FBLN5: variants seen among roughly 807,000 people sequenced by gnomAD.
FBLN5 encodes the protein fibulin 5.
FBLN5 carries 24 observed loss-of-function variants against 61.6 expected under a neutral mutation model. The ratio of observed to expected loss-of-function variants is 0.39; its 90% CI spans 0.28 to 0.55. FBLN5 has a LOEUF of 0.55. Among genes scored for constraint, FBLN5 ranks in the 20% least tolerant of loss-of-function variants. The probability of loss-of-function intolerance (pLI) is 0.65; values close to 1 mark genes in which losing one functional copy is unlikely to be tolerated. For missense variants in FBLN5, 470 were observed against 594.1 expected (o/e 0.79, Z 2.17); for synonymous variants, 213 against 219.8 (o/e 0.97, Z 0.27).
intron 4 of FBLN5, among the ~76,000 whole-genome samples, chr14:91,919,323 T>A (rs1299163347): frequency 8.1e-6 from 1 of 123,804 alleles, no homozygotes; most frequent in South Asian, 2.7e-4. Context: ...AGAGCAAGAC[T>A]CTGTCTCAAA....
At chr14:91,906,991 T>C (rs1158016308) in intron 4 of FBLN5, among the ~76,000 whole-genome samples, 1 of 152,166 alleles carries the variant, frequency 6.6e-6, no homozygotes, top group Non-Finnish European at 1.5e-5. Flanking sequence ...GAGAGAAGAA[T>C]GGGGGCACTC....
At chr14:91,926,781 G>A (rs1024416153) in intron 4 of FBLN5, among the ~76,000 whole-genome samples, 4 of 151,842 alleles carry the variant, frequency 2.6e-5, no homozygotes, top group African/African-American at 7.3e-5. Flanking sequence ...GGAGTGGATC[G>A]GGGGGAGTGG....
intron 10 of FBLN5, 93 bp downstream of exon 10, chr14:91,877,394 C>T: frequency 1.9e-6 from 2 of 1,048,342 alleles, no homozygotes; most frequent in Non-Finnish European, 3.0e-6. Flanking sequence ...TCCCCCAGCC[C>T]CACTCTTACC....
intron 7 of FBLN5, among the ~76,000 whole-genome samples, chr14:91,884,002 T>C (rs1474474335): frequency 2.0e-5 from 3 of 152,230 alleles, no homozygotes; most frequent in Admixed American, 6.5e-5. Context: ...ATGTTGTTCT[T>C]GCATTTGTTG....
rs560122260 is a variant in FBLN5, at chr14:91,870,489, T to A, written c.1186-104A>T. The A allele has an allele frequency of 2.7e-6, 3 of 1,105,048 alleles. No individual in the cohort carries two copies. The African/African-American group carries it at 4.6e-5, about 17-fold the overall frequency. The allele number at this position is 1,105,048 out of a possible 1,614,324, so 68.5% of individuals were successfully genotyped here. ...CTCCGTCAGTCAAACTGGCACCCCCTCGGTGCCTCAACTGTGCCATGCTCT... is the reference window on the plus strand; with the variant it reads ...CTCCGTCAGTCAAACTGGCACCCCCACGGTGCCTCAACTGTGCCATGCTCT... On this transcript the variant is annotated intron_variant, in intron 10 of 10. Coordinates refer to ENST00000342058, the MANE Select transcript of FBLN5 (RefSeq NM_006329.4).
chr14:91,898,218 G>C (rs184932497), intron 4 of FBLN5, among the ~76,000 whole-genome samples: 30 of 152,020 alleles, frequency 2.0e-4, no homozygotes, highest in African/African-American at 7.2e-4. Flanking sequence ...TGGCGGGGGG[G>C]GCGGAATCTC....
In FBLN5 at chr14:91,870,137, T is replaced by A; in HGVS notation, c.*87A>T. ...TTCAGCAGGAAATGCCTAACGTCTGTGTCGCTCTCATTCTCTCTGTTATTT... is the reference window on the plus strand; with the variant it reads ...TTCAGCAGGAAATGCCTAACGTCTGAGTCGCTCTCATTCTCTCTGTTATTT... On this transcript the variant is annotated 3_prime_UTR_variant, in exon 11 of 11. Transcript: ENST00000342058. The A allele has an allele frequency of 7.3e-7, 1 of 1,362,626 alleles. No homozygotes were observed. The highest frequency in any genetic ancestry group is 1.0e-6 in the Non-Finnish European group (1 of 955,240). The allele number at this position is 1,362,626 out of a possible 1,614,324, so 84.4% of individuals were successfully genotyped here.
chr14:91,871,360 C>G (rs1403516180), intron 10 of FBLN5, among the ~76,000 whole-genome samples: 2 of 152,086 alleles, frequency 1.3e-5, no homozygotes, highest in African/African-American at 2.4e-5. Flanking sequence ...AAGAACCCCC[C>G]TCTAGGCACC....
intron 4 of FBLN5, among the ~76,000 whole-genome samples, chr14:91,912,947 C>G (rs1476182194): frequency 6.6e-6 from 1 of 152,176 alleles, no homozygotes; most frequent in Non-Finnish European, 1.5e-5. Context: ...ACTCATCCAT[C>G]CATTCATCCA....
At chr14:91,896,942 C>T (rs780932296) in intron 4 of FBLN5, among the ~76,000 whole-genome samples, 8 of 152,176 alleles carry the variant, frequency 5.3e-5, no homozygotes, top group Non-Finnish European at 1.2e-4. Flanking sequence ...GCTTTGTGAG[C>T]TTCAGTAAAA....
chr14:91,919,625 G>A (rs750988191), intron 4 of FBLN5, among the ~76,000 whole-genome samples: 4 of 152,152 alleles, frequency 2.6e-5, no homozygotes, highest in South Asian at 4.1e-4. Flanking sequence ...CCGTTATAGC[G>A]GGCCCTACTC....
At chr14:91,936,889 T>C in intron 4 of FBLN5, 58 bp downstream of exon 4, 2 of 1,608,634 alleles carry the variant, frequency 1.2e-6, no homozygotes, top group Non-Finnish European at 1.7e-6. Flanking sequence ...GCATGCCAGA[T>C]ACAGACGATG....
intron 4 of FBLN5, among the ~76,000 whole-genome samples, chr14:91,908,510 T>C (rs1890777971): frequency 6.6e-6 from 1 of 152,218 alleles, no homozygotes; most frequent in Non-Finnish European, 1.5e-5. Context: ...GGCCGCCTAT[T>C]TGAGCCCAGT....
At chr14:91,872,809 C>T (rs1234383153) in intron 10 of FBLN5, among the ~76,000 whole-genome samples, 1 of 152,214 alleles carries the variant, frequency 6.6e-6, no homozygotes, top group Non-Finnish European at 1.5e-5. Context: ...TAAAGCCACA[C>T]AAGGAAATGC....
intron 4 of FBLN5, among the ~76,000 whole-genome samples, chr14:91,897,441 C>T (rs912464593): frequency 1.3e-5 from 2 of 152,226 alleles, no homozygotes; most frequent in Non-Finnish European, 2.9e-5. Flanking sequence ...GGGAACAACA[C>T]TGCCTTAGGA....
chr14:91,880,684 A>T (rs916435739), intron 9 of FBLN5, among the ~76,000 whole-genome samples: 10 of 151,976 alleles, frequency 6.6e-5, no homozygotes, highest in Non-Finnish European at 1.0e-4. Context: ...AGTAGCTGGG[A>T]CTACAGGCCC....
At chr14:91,884,409 C>G (rs924170541) in intron 7 of FBLN5, among the ~76,000 whole-genome samples, 8 of 152,228 alleles carry the variant, frequency 5.3e-5, no homozygotes, top group African/African-American at 1.9e-4. Flanking sequence ...AGATTCCACT[C>G]ATACTTTCAG....
intron 1 of FBLN5, among the ~76,000 whole-genome samples, chr14:91,945,145 C>T (rs1218178120): frequency 6.6e-6 from 1 of 151,426 alleles, no homozygotes; most frequent in Non-Finnish European, 1.5e-5. Flanking sequence ...GCAGACAAAT[C>T]ACTTGAACCC....
At chr14:91,876,473 G>A (rs1889167293) in intron 10 of FBLN5, among the ~76,000 whole-genome samples, 1 of 152,224 alleles carries the variant, frequency 6.6e-6, no homozygotes, top group African/African-American at 2.4e-5. Context: ...AAGGAAAAGG[G>A]TTTTTGCAGA....
Sources: allele counts gnomAD v4.1 joint callset (sites outside exome capture counted in the v4.1 genomes callset), GRCh38; gene constraint gnomAD v4.1.1; transcripts MANE v1.5; gene names NCBI Gene and HGNC (gene_info 2026-07-23, HGNC 2026-07-21).